Variants in GALNT18 observed in about 807,000 individuals in gnomAD.
GALNT18 encodes polypeptide N-acetylgalactosaminyltransferase 18, also known as GalNAc-transferase 18.
GALNT18 carries 44 observed loss-of-function variants against 69.5 expected under a neutral mutation model. The observed-to-expected ratio is 0.63, with a 90% CI of 0.50 to 0.81. The LOEUF (loss-of-function observed/expected upper bound fraction) is 0.81. Ranked by LOEUF, GALNT18 falls within the 40% of genes least tolerant of loss-of-function variation. The pLI is 0.00. For missense variants in GALNT18, 715 were observed against 810.0 expected (o/e 0.88, Z 1.42); for synonymous variants, 364 against 318.2 (o/e 1.14, Z -1.53).
chr11:11,303,852 C>T (rs1420917541), intron 9 of GALNT18, among the ~76,000 whole-genome samples: 4 of 152,226 alleles, frequency 2.6e-5, no homozygotes, highest in Admixed American at 2.6e-4. Context: ...GACAAGGGAC[C>T]TTTGGTGAAA....
rs552781901 is a variant in GALNT18, at chr11:11,461,482, C to A, written c.236-12546G>T. ...CAGAATTTATATGTGCCATTACTTG[C>A]TACTTTAAAGCAACCTTTAAAGCTA... On this transcript the variant is annotated intron_variant, in intron 1 of 10. Coordinates refer to ENST00000227756, the MANE Select transcript of GALNT18 (RefSeq NM_198516.3). The surrounding 1 kb of genome is among the most constrained non-coding windows in gnomAD (Gnocchi z 4.1). Among the ~76,000 whole-genome samples the A allele has an allele frequency of 6.6e-6, 1 of 152,234 alleles. No individual in the cohort carries two copies. The highest frequency in any genetic ancestry group is 1.9e-4 in the East Asian group (1 of 5,182).
At chr11:11,295,822 C>T (rs1849390080) in intron 9 of GALNT18, among the ~76,000 whole-genome samples, 1 of 152,140 alleles carries the variant, frequency 6.6e-6, no homozygotes, top group Admixed American at 6.5e-5. Context: ...GACCAAAGTT[C>T]TGAGCAGAGG....
intron 3 of GALNT18, among the ~76,000 whole-genome samples, chr11:11,392,386 G>A (rs1001902742): frequency 2.0e-5 from 3 of 152,200 alleles, no homozygotes; most frequent in Non-Finnish European, 4.4e-5. Context: ...CTGGGAGGCC[G>A]AGGCAGGCAG....
At chr11:11,406,202 C>T (rs951253042) in intron 3 of GALNT18, among the ~76,000 whole-genome samples, 3 of 152,194 alleles carry the variant, frequency 2.0e-5, no homozygotes, top group Non-Finnish European at 2.9e-5. Flanking sequence ...TTTCCAAGCA[C>T]CTACTATGGG....
chr11:11,439,718 A>C lies in GALNT18; in HGVS notation c.429-6931T>G, dbSNP rs1855494826. Among the ~76,000 whole-genome samples the C allele has an allele frequency of 6.6e-6, 1 of 152,216 alleles. No homozygotes were observed. Among genetic ancestry groups the C allele is most frequent in the Non-Finnish European group, 1.5e-5 (1 of 68,042 alleles). On this transcript the variant is annotated intron_variant, in intron 2 of 10. Coordinates refer to ENST00000227756, the MANE Select transcript of GALNT18 (RefSeq NM_198516.3). The surrounding 1 kb of genome is among the most constrained non-coding windows in gnomAD (Gnocchi z 4.4). ...GCACCTGGTGATGGGCTGAGTGAAC[A>C]CATGAATAAATGAACAGCAGAAAGA...
At chr11:11,447,356 T>C (rs1265305867) in intron 2 of GALNT18, among the ~76,000 whole-genome samples, 1 of 152,182 alleles carries the variant, frequency 6.6e-6, no homozygotes, top group Non-Finnish European at 1.5e-5. Flanking sequence ...TCTCTCTCTC[T>C]CTCCGACTTT....
rs1393528402 is a variant in GALNT18 at position 11,602,804 on chromosome 11, A to G, written c.235+18555T>C. Among the ~76,000 whole-genome samples the G allele has an allele frequency of 6.6e-6, 1 of 152,188 alleles. No homozygotes were observed. Among genetic ancestry groups the G allele is most frequent in the African/African-American group, 2.4e-5 (1 of 41,454 alleles). On this transcript the variant is annotated intron_variant, in intron 1 of 10. Coordinates refer to ENST00000227756, the MANE Select transcript of GALNT18 (RefSeq NM_198516.3). This position sits in a 1 kb window ranked among gnomAD's most constrained non-coding sequence, Gnocchi z 4.7. ...ATTTAGAGAACAGCTGGCTCTATTGATCAGTGCTCTGTTTACTTCACTTTG... is the reference window on the plus strand; with the variant it reads ...ATTTAGAGAACAGCTGGCTCTATTGGTCAGTGCTCTGTTTACTTCACTTTG...
intron 1 of GALNT18, among the ~76,000 whole-genome samples, chr11:11,552,301 G>C (rs186342168): frequency 8.3e-4 from 127 of 152,250 alleles, no homozygotes; most frequent in Middle Eastern, 3.4e-3. Context: ...CCCCAAAAAA[G>C]CTAGAAACTC....
Position 11,310,253 on chromosome 11 carries a change from C to T in GALNT18, c.1512+16833G>A, listed in dbSNP as rs376408654. Among the ~76,000 whole-genome samples the T allele has an allele frequency of 3.9e-5, 6 of 152,360 alleles. No individual in the cohort carries two copies. In the East Asian group the frequency reaches 1.2e-3, roughly 29 times the overall value. On this transcript the variant is annotated intron_variant, in intron 9 of 10. Coordinates refer to ENST00000227756, the MANE Select transcript of GALNT18 (RefSeq NM_198516.3). Reference sequence around the variant, plus strand: ...GTCCCAAGGACAGGGTGAACTTTGCCACCCAAGAAGCCCCCAGAGGGTGCG... The same window carrying T: ...GTCCCAAGGACAGGGTGAACTTTGCTACCCAAGAAGCCCCCAGAGGGTGCG...
intron 9 of GALNT18, among the ~76,000 whole-genome samples, chr11:11,316,454 G>A (rs1231925265): frequency 6.6e-6 from 1 of 152,086 alleles, no homozygotes; most frequent in African/African-American, 2.4e-5. Flanking sequence ...CGGACACTGG[G>A]GCCAATACCA....
At chr11:11,453,046 C>T (rs1855841249) in intron 1 of GALNT18, among the ~76,000 whole-genome samples, 1 of 152,184 alleles carries the variant, frequency 6.6e-6, no homozygotes, top group Non-Finnish European at 1.5e-5. Flanking sequence ...CCTCACCCAG[C>T]CCTGAGTGCT....
At chr11:11,558,570 G>A (rs374985476) in intron 1 of GALNT18, among the ~76,000 whole-genome samples, 2 of 152,204 alleles carry the variant, frequency 1.3e-5, no homozygotes, top group East Asian at 3.9e-4. Flanking sequence ...TTGGAGTCAG[G>A]CAGCATTTCC....
chr11:11,497,182 CA>C lies in GALNT18; in HGVS notation c.236-48247del, dbSNP rs1004536190. ...AGCTCAATCATTGCTTGCCACAGGA[CA>C]ACCTTCCCCAACCAGCCAACATCAG... On this transcript the variant is annotated intron_variant, in intron 1 of 10. Coordinates refer to ENST00000227756, the MANE Select transcript of GALNT18 (RefSeq NM_198516.3). The surrounding 1 kb of genome is among the most constrained non-coding windows in gnomAD (Gnocchi z 4.2). 2.0e-5 allele frequency among the ~76,000 whole-genome samples: 3 copies of C among 152,168 alleles called. No homozygotes were observed. The highest frequency in any genetic ancestry group is 7.2e-5 in the African/African-American group (3 of 41,434).
rs1478919664 is a variant in GALNT18 at position 11,415,682 on chromosome 11, CAT to C, written c.595+16937_595+16938del. 6.6e-6 allele frequency among the ~76,000 whole-genome samples: 1 copy of C among 152,160 alleles called. No individual in the cohort carries two copies. Among genetic ancestry groups the C allele is most frequent in the African/African-American group, 2.4e-5 (1 of 41,440 alleles). On this transcript the variant is annotated intron_variant, in intron 3 of 10. Coordinates refer to ENST00000227756, the MANE Select transcript of GALNT18 (RefSeq NM_198516.3). The surrounding 1 kb of genome is among the most constrained non-coding windows in gnomAD (Gnocchi z 4.1). ...TAAAGTGGGCATAAAAACCCTAAAACATAGAACAGAAAAGACAGAATCTATCT... is the reference window on the plus strand; with the variant it reads ...TAAAGTGGGCATAAAAACCCTAAAACAGAACAGAAAAGACAGAATCTATCT...
intron 4 of GALNT18, among the ~76,000 whole-genome samples, chr11:11,378,713 G>A (rs749743387): frequency 1.6e-4 from 24 of 152,322 alleles, no homozygotes; most frequent in East Asian, 5.8e-4. Flanking sequence ...TCTGCCTCAC[G>A]TCTGGCCCAG....
At chr11:11,559,965 T>C (rs1313108612) in intron 1 of GALNT18, among the ~76,000 whole-genome samples, 4 of 149,108 alleles carry the variant, frequency 2.7e-5, no homozygotes, top group African/African-American at 7.5e-5. Context: ...TATGATGGGA[T>C]GCGATGGAAC....
intron 9 of GALNT18, among the ~76,000 whole-genome samples, chr11:11,294,047 T>A (rs765926400): frequency 5.9e-5 from 9 of 152,332 alleles, no homozygotes; most frequent in Non-Finnish European, 1.2e-4. Context: ...CACCCTCAGC[T>A]AAATGATTTT....
rs557153649 is a variant in GALNT18, at chr11:11,461,593, G to A, written c.236-12657C>T. ...CCGCCCGCCACCGAGCTGACAGCCC[G>A]GAGCTGACACCCGGACTTCTAAATA... On this transcript the variant is annotated intron_variant, in intron 1 of 10. Transcript: ENST00000227756. The surrounding 1 kb of genome is among the most constrained non-coding windows in gnomAD (Gnocchi z 4.1). Among the ~76,000 whole-genome samples the A allele has an allele frequency of 6.6e-5, 10 of 152,246 alleles. No homozygotes were observed. In the East Asian group the frequency reaches 1.5e-3, roughly 24 times the overall value.
At chr11:11,277,775 G>A (rs1421793291) in intron 10 of GALNT18, among the ~76,000 whole-genome samples, 1 of 152,188 alleles carries the variant, frequency 6.6e-6, no homozygotes, top group Admixed American at 6.5e-5. Context: ...AGTAACTTAG[G>A]AGCAAGTTGT....
Sources: allele counts gnomAD v4.1 joint callset (sites outside exome capture counted in the v4.1 genomes callset), GRCh38; gene constraint gnomAD v4.1.1; non-coding constraint Gnocchi (gnomAD v3.1); transcripts MANE v1.5; gene names NCBI Gene and HGNC (gene_info 2026-07-23, HGNC 2026-07-21).